LILRB2: variants seen among roughly 807,000 people sequenced by gnomAD.
The protein encoded by LILRB2 is leukocyte immunoglobulin-like receptor subfamily B member 2.
In LILRB2, 47 loss-of-function variants were observed where a neutral mutation model predicts 72.7. The ratio of observed to expected loss-of-function variants is 0.65; its 90% confidence interval spans 0.51 to 0.82. LILRB2 has a LOEUF of 0.82. Ranked by LOEUF, LILRB2 falls within the 40% of genes least tolerant of loss-of-function variation. The pLI is 0.00. For synonymous variants in LILRB2, 279 were observed against 313.7 expected (o/e 0.89, Z 1.17); for missense variants, 767 against 764.8 (o/e 1.00, Z -0.03).
intron 9 of LILRB2, chr19:54,277,320 G>T: frequency 1.5e-6 from 2 of 1,292,216 alleles, no homozygotes; most frequent in Non-Finnish European, 2.2e-6. Context: ...ATCGAGTCTT[G>T]GAGTCTTCCC....
chr19:54,276,618 A>G (rs2080241350), intron 10 of LILRB2, 162 bp from the exon 11 acceptor site: 6 of 1,425,012 alleles, frequency 4.2e-6, no homozygotes, highest in African/African-American at 1.4e-5. Context: ...ACATTTGTAG[A>G]TGGGACTGAG....
chr19:54,278,318 G>C lies in LILRB2; in HGVS notation c.1200C>G (p.Leu400=), dbSNP rs1426962279. The C allele has an allele frequency of 4.3e-6, 7 of 1,614,116 alleles. No individual in the cohort carries two copies. The highest frequency in any genetic ancestry group is 3.3e-5 in the Admixed American group (2 of 60,012). The part of the protein sequence containing the change: ...HAGTYRCYGS[L]NSDPYLLSHP... Reference sequence around the variant, plus strand: ...GAGACAGCAGGTAGGGGTCGGAGTTGAGTGAGCCGTAGCACCTGTAGGTCC... The same window carrying C: ...GAGACAGCAGGTAGGGGTCGGAGTTCAGTGAGCCGTAGCACCTGTAGGTCC... Residue 400 remains leucine, a synonymous_variant, in exon 7 of 14, where the codon CTC becomes CTG. Coordinates refer to ENST00000314446, the MANE Select transcript of LILRB2 (RefSeq NM_001080978.4).
rs752949543 is a variant in LILRB2, at chr19:54,279,440, G to A, written c.563C>T (p.Pro188Leu). 2.8e-5 allele frequency: 45 copies of A among 1,614,016 alleles called. 1 individual carries two copies. The South Asian group carries it at 3.8e-4, about 14-fold the overall frequency. The change falls in exon 5 of 14, where the codon CCG becomes CTG. Residue 188 changes from proline to leucine, a missense_variant. Pro to Leu is a moderately conservative substitution (Grantham distance 98, BLOSUM62 -3). Transcript: ENST00000314446. ...RAIFSVGPVS[P>L]NRRWSHRCYG... ...GCACCTGTGCGACCACCTGCGATTC[G>A]GGCTCACGGGGCCCACGGAGAAGAT... is the stretch of plus-strand genomic sequence containing the variant.
In LILRB2 at chr19:54,274,140, G is replaced by A. The variant is rs557629234; in HGVS notation, c.*543C>T. The A allele has an allele frequency of 6.4e-6, 1 of 156,772 alleles. No homozygotes were observed. Among genetic ancestry groups the A allele is most frequent in the Admixed American group, 6.2e-5 (1 of 16,196 alleles). 9.7% of individuals were successfully genotyped at this position (156,772 alleles called of 1,614,324 possible). A position where few individuals can be genotyped will look rare whatever the true frequency, so the allele number is the denominator to read the frequency against. On this transcript the variant is annotated 3_prime_UTR_variant, in exon 14 of 14. Coordinates refer to ENST00000314446, the MANE Select transcript of LILRB2 (RefSeq NM_001080978.4). ...TCTTTCTCTTGCTCAATGTAGTTAGGATTTATGACTGTAATTAATATTTTC... is the reference window on the plus strand; with the variant it reads ...TCTTTCTCTTGCTCAATGTAGTTAGAATTTATGACTGTAATTAATATTTTC...
chr19:54,280,148 T>G, intron 3 of LILRB2, 73 bp from the exon 4 acceptor site: 1 of 1,608,770 alleles, frequency 6.2e-7, no homozygotes, highest in Non-Finnish European at 8.5e-7. Flanking sequence ...CCCAGGACCC[T>G]CCAGATGCCC....
intron 13 of LILRB2, chr19:54,275,199 G>T: frequency 7.8e-7 from 1 of 1,288,388 alleles, no homozygotes; most frequent in Non-Finnish European, 1.1e-6. Context: ...TAAGGCCGTG[G>T]AGGGTCTGGC....
rs2080088591 is a variant in LILRB2, at chr19:54,273,854, T to C, written c.*829A>G. The C allele has an allele frequency of 8.9e-6, 1 of 112,886 alleles. No homozygotes were observed. The highest frequency in any genetic ancestry group is 3.4e-5 in the African/African-American group (1 of 29,482). The allele number at this position is 112,886 out of a possible 1,614,324, so 7.0% of individuals were successfully genotyped here. A position where few individuals can be genotyped will look rare whatever the true frequency, so the allele number is the denominator to read the frequency against. The stretch of plus-strand genomic sequence containing the variant: ...GAACATTTTTATTACAGTCAATGTT[T>C]TTCACACACACACACACACACACAC... On this transcript the variant is annotated 3_prime_UTR_variant, in exon 14 of 14. Transcript: ENST00000314446.
In LILRB2 at chr19:54,274,637, T is replaced by C. The variant is rs369263420; in HGVS notation, c.*46A>G. On this transcript the variant is annotated 3_prime_UTR_variant, in exon 14 of 14. Coordinates refer to ENST00000314446, the MANE Select transcript of LILRB2 (RefSeq NM_001080978.4). ...GGGGCAGCTCCCGTGCCTTCAGCAG[T>C]CCTGAGTCTCCTTCTACTGAGTGTG... 3.7e-6 allele frequency: 6 copies of C among 1,613,690 alleles called. No individual in the cohort carries two copies. The African/African-American group carries it at 6.7e-5, about 18-fold the overall frequency.
At chr19:54,277,734 C>T (rs1359815365) in intron 8 of LILRB2, 137 bp from the exon 9 acceptor site, 10 of 1,324,138 alleles carry the variant, frequency 7.6e-6, no homozygotes, top group African/African-American at 5.9e-5. Flanking sequence ...AGCCTCAGAG[C>T]CCTGGGGACC....
chr19:54,278,443 C>T lies in LILRB2; in HGVS notation c.1075G>A (p.Ala359Thr). 1.2e-6 allele frequency: 2 copies of T among 1,614,212 alleles called. No homozygotes were observed. The highest frequency in any genetic ancestry group is 1.7e-6 in the Non-Finnish European group (2 of 1,180,020). Reference sequence around the variant, plus strand: ...CGGAGTGGGGCATCAGCTGCTCCCGCCTTGGTCAGAAGGAAAGTGTGGAAC... The same window carrying T: ...CGGAGTGGGGCATCAGCTGCTCCCGTCTTGGTCAGAAGGAAAGTGTGGAAC... The part of the protein sequence containing the change: ...RQFHTFLLTK[A>T]GAADAPLRLR... Residue 359 changes from alanine to threonine, a missense_variant, in exon 7 of 14, where the codon GCG becomes ACG. Coordinates refer to ENST00000314446, the MANE Select transcript of LILRB2 (RefSeq NM_001080978.4).
In LILRB2 at chr19:54,275,467, G is replaced by T. The variant is rs958272185; in HGVS notation, c.1647+484C>A. 1.0e-4 allele frequency: 52 copies of T among 522,256 alleles called. 1 individual carries two copies. In the Admixed American group the frequency reaches 1.1e-3, roughly 11 times the overall value. 32.4% of individuals were successfully genotyped at this position (522,256 alleles called of 1,614,324 possible). A position where few individuals can be genotyped will look rare whatever the true frequency, so the allele number is the denominator to read the frequency against. On this transcript the variant is annotated intron_variant, in intron 13 of 13. Coordinates refer to ENST00000314446, the MANE Select transcript of LILRB2 (RefSeq NM_001080978.4). ...CCCCACACTCTCTGCCCTTTCCCTG[G>T]TGTATGTTCCTTTAAGCACGTTGCA...
rs578109223 is a variant in LILRB2, at chr19:54,279,839, G to C, written c.307C>G (p.Arg103Gly). 5 of 1,614,002 alleles carry C rather than the reference G, an allele frequency of 3.1e-6. No individual in the cohort carries two copies. Among genetic ancestry groups the C allele is most frequent in the Non-Finnish European group, 4.2e-6 (5 of 1,180,020 alleles). Residue 103 changes from arginine to glycine, a missense_variant, in exon 4 of 14, where the codon CGC becomes GGC. Around this residue, in one of 3 missense-constraint regions of LILRB2, gnomAD observed 599 missense variants for 568.2 expected, o/e 1.05. Coordinates refer to ENST00000314446, the MANE Select transcript of LILRB2 (RefSeq NM_001080978.4). ...TGRYGCQYYS[R>G]ARWSELSDPL... ...TCACTGAGCTCAGACCACCGAGCGC[G>C]GCTGTAATACTGACAGCCATATCGC...
chr19:54,274,944 G>A, intron 13 of LILRB2, 115 bp from the exon 14 acceptor site: 3 of 1,610,608 alleles, frequency 1.9e-6, no homozygotes, highest in South Asian at 1.1e-5. Flanking sequence ...CTGCCTGTCT[G>A]TCCTTTGTGT....
intron 2 of LILRB2, 82 bp from the exon 3 acceptor site, chr19:54,280,381 G>T: frequency 6.2e-7 from 1 of 1,613,994 alleles, no homozygotes; most frequent in South Asian, 1.1e-5. Flanking sequence ...GTGAGCCCCT[G>T]GGGTCTCCTT....
chr19:54,279,651 G>A lies in LILRB2; in HGVS notation c.356-4C>T. 6.2e-7 allele frequency: 1 copy of A among 1,603,704 alleles called. No homozygotes were observed. The highest frequency in any genetic ancestry group is 8.5e-7 in the Non-Finnish European group (1 of 1,172,138). Reference sequence around the variant, plus strand: ...AGGGTGGGTTTTGGGTAGGCTCCTAGGAGAGAAGGAGGCATCGTGTTAAAT... The same window carrying A: ...AGGGTGGGTTTTGGGTAGGCTCCTAAGAGAGAAGGAGGCATCGTGTTAAAT... On this transcript the variant is annotated splice_region_variant and splice_polypyrimidine_tract_variant and intron_variant, in intron 4 of 13. Coordinates refer to ENST00000314446, the MANE Select transcript of LILRB2 (RefSeq NM_001080978.4).
chr19:54,275,133 C>T, intron 13 of LILRB2: 1 of 1,544,546 alleles, frequency 6.5e-7, no homozygotes, highest in East Asian at 2.3e-5. Flanking sequence ...ATTTTCCTCA[C>T]TGTTCCCGGG....
Position 54,281,087 on chromosome 19 carries a change from G to A in LILRB2, c.-175C>T. 2.7e-5 allele frequency: 12 copies of A among 441,416 alleles called. No individual in the cohort carries two copies. Among genetic ancestry groups the A allele is most frequent in the South Asian group, 1.9e-4 (12 of 62,464 alleles). 27.3% of individuals were successfully genotyped at this position (441,416 alleles called of 1,614,324 possible). A position where few individuals can be genotyped will look rare whatever the true frequency, so the allele number is the denominator to read the frequency against. On this transcript the variant is annotated 5_prime_UTR_variant, in exon 1 of 14. Coordinates refer to ENST00000314446, the MANE Select transcript of LILRB2 (RefSeq NM_001080978.4). ...TGCTGTCCAGGTTGAGCTGTGTGTGGCAGTGAGCACAGAGGAGAAATGCAG... is the reference window on the plus strand; with the variant it reads ...TGCTGTCCAGGTTGAGCTGTGTGTGACAGTGAGCACAGAGGAGAAATGCAG...
chr19:54,278,730 A>G (rs2080384699), intron 6 of LILRB2, 82 bp downstream of exon 6: 2 of 1,558,042 alleles, frequency 1.3e-6, no homozygotes, highest in African/African-American at 1.4e-5. Flanking sequence ...CCCCCGCCTC[A>G]TCCTGGCCAT....
chr19:54,276,528 G>A (rs1435839223), intron 10 of LILRB2, 72 bp from the exon 11 acceptor site: 1 of 1,336,692 alleles, frequency 7.5e-7, no homozygotes, highest in African/African-American at 1.5e-5. Flanking sequence ...CAGCTCGAAG[G>A]TAAGGAAGGA....
Sources: allele counts gnomAD v4.1 joint callset, GRCh38; gene constraint gnomAD v4.1.1; regional missense constraint gnomAD v4.1.1; transcripts MANE v1.5; gene names NCBI Gene and HGNC (gene_info 2026-07-23, HGNC 2026-07-21).